TXNL4A: variants seen among roughly 807,000 people sequenced by gnomAD.
The protein encoded by TXNL4A is thioredoxin like 4A.
Under a neutral mutation model 14.6 loss-of-function variants are expected in TXNL4A, and 17 were observed. That is an observed-to-expected ratio of 1.16 (90% confidence interval 0.80 to 1.74). The LOEUF (loss-of-function observed/expected upper bound fraction) is 1.74. Among genes scored for constraint, TXNL4A ranks in the 40% most tolerant of loss-of-function variants. The pLI, the probability that TXNL4A is intolerant of heterozygous loss-of-function variation, is 0.00. For missense variants in TXNL4A, 74 were observed against 195.2 expected (o/e 0.38, Z 3.70); for synonymous variants, 83 against 70.6 (o/e 1.18, Z -0.88).
At chr18:79,998,238 A>G (rs1234636951) in intron 1 of TXNL4A, among the ~76,000 whole-genome samples, 1 of 151,954 alleles carries the variant, frequency 6.6e-6, no homozygotes, top group Non-Finnish European at 1.5e-5. Context: ...GCTTGCAGTG[A>G]GCCGAGATTG....
intron 1 of TXNL4A, among the ~76,000 whole-genome samples, chr18:79,987,627 T>C (rs2051572524): frequency 6.6e-6 from 1 of 152,234 alleles, no homozygotes; most frequent in African/African-American, 2.4e-5. Flanking sequence ...ACAACTTTTA[T>C]TGTCAGCAAG....
intron 1 of TXNL4A, among the ~76,000 whole-genome samples, chr18:80,009,517 G>C (rs1235554951): frequency 6.6e-6 from 1 of 152,238 alleles, no homozygotes; most frequent in East Asian, 1.9e-4. Flanking sequence ...AAGTTTATAC[G>C]GGTCTGCAGC....
chr18:80,011,081 T>C lies in TXNL4A; in HGVS notation c.-61+22770A>G, dbSNP rs148338419. Among the ~76,000 whole-genome samples, 1,829 of 152,254 alleles carry C rather than the reference T, an allele frequency of 0.012. 34 individuals carry two copies. Among genetic ancestry groups the C allele is most frequent in the Middle Eastern group, 0.034 (10 of 292 alleles). The stretch of plus-strand genomic sequence containing the variant: ...AGAAAGGCACATCCATGTGTGGTTT[T>C]ATTTGCATTACCATTTGGTGCTTGT... On this transcript the variant is annotated intron_variant, in intron 1 of 2. Coordinates refer to the TXNL4A transcript ENST00000585474. This position sits in a 1 kb window ranked among gnomAD's most constrained non-coding sequence, Gnocchi z 4.1.
chr18:79,993,479 A>T (rs2051641083), upstream of TXNL4A, among the ~76,000 whole-genome samples: 1 of 152,160 alleles, frequency 6.6e-6, no homozygotes, highest in Non-Finnish European at 1.5e-5. This position sits in a 1 kb window ranked among gnomAD's most constrained non-coding sequence, Gnocchi z 4.4. Context: ...ATTCTTTTTA[A>T]ATGACTAAAG....
chr18:80,001,013 C>A (rs1170466776), intron 1 of TXNL4A, among the ~76,000 whole-genome samples: 3 of 152,206 alleles, frequency 2.0e-5, no homozygotes, highest in African/African-American at 7.2e-5. Context: ...CGTGGCAGCC[C>A]CTCCCATCAC....
chr18:80,031,909 G>A (rs900738674), intron 1 of TXNL4A, among the ~76,000 whole-genome samples: 7 of 152,262 alleles, frequency 4.6e-5, no homozygotes, highest in Admixed American at 1.3e-4. Context: ...GCACAAGCTA[G>A]TGCTTATAAT....
chr18:80,029,136 G>A (rs1464467094), intron 1 of TXNL4A, among the ~76,000 whole-genome samples: 1 of 152,166 alleles, frequency 6.6e-6, no homozygotes, highest in African/African-American at 2.4e-5. Flanking sequence ...AATACAGTGT[G>A]GACCTAATAA....
At chr18:80,012,300 T>C (rs1251128393) in intron 1 of TXNL4A, among the ~76,000 whole-genome samples, 2 of 152,232 alleles carry the variant, frequency 1.3e-5, no homozygotes, top group Non-Finnish European at 2.9e-5. Context: ...TAAATCTCCA[T>C]ATGATGACAT....
At chr18:79,992,785 T>C (rs2051635960), upstream of TXNL4A, among the ~76,000 whole-genome samples, 1 of 151,484 alleles carries the variant, frequency 6.6e-6, no homozygotes, top group Non-Finnish European at 1.5e-5. Context: ...AATGCATATC[T>C]GATTGTTCCC....
At chr18:80,008,891 C>T (rs867950381) in intron 1 of TXNL4A, among the ~76,000 whole-genome samples, 26 of 152,216 alleles carry the variant, frequency 1.7e-4, no homozygotes, top group African/African-American at 6.3e-4. Context: ...GATTCTTCTG[C>T]CTCAGACTCC....
intron 1 of TXNL4A, among the ~76,000 whole-genome samples, chr18:80,022,690 G>A (rs1409865755): frequency 1.3e-5 from 2 of 152,186 alleles, no homozygotes; most frequent in African/African-American, 4.8e-5. Context: ...TGGGAGACAA[G>A]GTGTTCCTTA....
intron 1 of TXNL4A, among the ~76,000 whole-genome samples, chr18:80,003,297 C>T (rs533260300): frequency 4.7e-4 from 71 of 152,368 alleles, no homozygotes; most frequent in African/African-American, 1.7e-3. Flanking sequence ...GTGTCCAGCA[C>T]AGGTCCTGTG....
chr18:80,000,603 C>A (rs935338841), intron 1 of TXNL4A, among the ~76,000 whole-genome samples: 1 of 152,168 alleles, frequency 6.6e-6, no homozygotes, highest in Non-Finnish European at 1.5e-5. Flanking sequence ...TGGAGAAATT[C>A]AAGACAGTTG....
At chr18:79,988,218 G>A in intron 1 of TXNL4A, 22 bp downstream of exon 1, 1 of 1,499,298 alleles carries the variant, frequency 6.7e-7, no homozygotes, top group Non-Finnish European at 9.1e-7. Context: ...AGCCCGCAGA[G>A]CGGGAGAGTC....
At chr18:79,979,653 TA>T (rs1167602729) in intron 1 of TXNL4A, 2 of 152,600 alleles carry the variant, frequency 1.3e-5, no homozygotes, top group African/African-American at 4.8e-5. Context: ...GTGAGCCAAT[TA>T]AACTTCTTTT....
intron 2 of TXNL4A, among the ~76,000 whole-genome samples, chr18:79,976,033 G>T (rs1754507893): frequency 6.6e-6 from 1 of 152,098 alleles, no homozygotes; most frequent in Admixed American, 6.5e-5. Context: ...AGAAATGCAG[G>T]GTGCACCTCA....
chr18:79,980,880 A>T (rs1441614630), intron 1 of TXNL4A, among the ~76,000 whole-genome samples: 1 of 152,192 alleles, frequency 6.6e-6, no homozygotes, highest in African/African-American at 2.4e-5. Flanking sequence ...CCCCAAAGTG[A>T]TGTTTGCATT....
chr18:79,975,054 C>T (rs955516715), intron 2 of TXNL4A, among the ~76,000 whole-genome samples: 9 of 152,192 alleles, frequency 5.9e-5, no homozygotes. Flanking sequence ...TGCAGGCAGG[C>T]CCTACATGCA....
At position 79,971,423 on chromosome 18, in the gene TXNL4A, G is replaced by A. The variant is rs2051300130; in HGVS notation, c.*2262C>T. The A allele has an allele frequency of 6.6e-6, 1 of 152,256 alleles. No individual in the cohort carries two copies. Among genetic ancestry groups the A allele is most frequent in the African/African-American group, 2.4e-5 (1 of 41,418 alleles). 9.4% of individuals were successfully genotyped at this position (152,256 alleles called of 1,614,324 possible). On this transcript the variant is annotated 3_prime_UTR_variant, in exon 3 of 3. Transcript: ENST00000269601. Reference sequence around the variant, plus strand: ...GCTTACTGCAGCCTTGACCTCTGGGGCTTAAGTGATCCTCCTGCCTCAGCC... The same window carrying A: ...GCTTACTGCAGCCTTGACCTCTGGGACTTAAGTGATCCTCCTGCCTCAGCC...
Sources: allele counts gnomAD v4.1 joint callset (sites outside exome capture counted in the v4.1 genomes callset), GRCh38; gene constraint gnomAD v4.1.1; non-coding constraint Gnocchi (gnomAD v3.1); transcripts MANE v1.5; gene names NCBI Gene and HGNC (gene_info 2026-07-23, HGNC 2026-07-21).